The following VLDLR variants were observed in gnomAD, a reference collection of about 807,000 sequenced individuals.
VLDLR encodes the protein very low density lipoprotein receptor.
Under a neutral mutation model 112.7 loss-of-function variants are expected in VLDLR, and 81 were observed. That is an observed-to-expected ratio of 0.72 (90% CI 0.60 to 0.86). The LOEUF is 0.86. Ranked by LOEUF, VLDLR falls within the 40% of genes least tolerant of loss-of-function variation. VLDLR has a pLI of 0.00. For missense variants in VLDLR, 1,237 were observed against 1,099.4 expected (o/e 1.13, Z -1.77); for synonymous variants, 436 against 384.8 (o/e 1.13, Z -1.56).
In VLDLR at chr9:2,656,285, A is replaced by G. The variant is rs895242442; in HGVS notation, c.*2417A>G. ...AGAAACAAAGTAACTAGATATTCCT[A>G]TTGAAATAAGAATAGATATATTGGT... is the stretch of plus-strand genomic sequence containing the variant. On this transcript the variant is annotated 3_prime_UTR_variant, in exon 19 of 19. Transcript: ENST00000382100. 2.0e-5 allele frequency: 3 copies of G among 152,112 alleles called. No homozygotes were observed. Among genetic ancestry groups the G allele is most frequent in the Non-Finnish European group, 4.4e-5 (3 of 68,004 alleles). The allele number at this position is 152,112 out of a possible 1,614,324, so 9.4% of individuals were successfully genotyped here.
chr9:2,633,568 A>G (rs954404882), intron 1 of VLDLR, among the ~76,000 whole-genome samples: 1 of 152,164 alleles, frequency 6.6e-6, no homozygotes, highest in South Asian at 2.1e-4. Context: ...ATCAATGTCA[A>G]TGTTGTTGTC....
intron 1 of VLDLR, among the ~76,000 whole-genome samples, chr9:2,633,788 C>G (rs1817473911): frequency 6.6e-6 from 1 of 152,102 alleles, no homozygotes; most frequent in African/African-American, 2.4e-5. Flanking sequence ...TCATATAGAA[C>G]TGCAAGACAC....
At position 2,660,026 on chromosome 9, in the gene VLDLR, A is replaced by G. The variant is rs1215421256; in HGVS notation, c.*6158A>G. 1.3e-5 allele frequency: 2 copies of G among 150,800 alleles called. No individual in the cohort carries two copies. The highest frequency in any genetic ancestry group is 1.3e-4 in the Admixed American group (2 of 15,190). The allele number at this position is 150,800 out of a possible 1,614,324, so 9.3% of individuals were successfully genotyped here. ...AAACTTTTTTTTACTAATGAACTGT[A>G]CATTTAAATAAAAGTTTATTTTTGG... On this transcript the variant is annotated 3_prime_UTR_variant, in exon 19 of 19. Coordinates refer to ENST00000382100, the MANE Select transcript of VLDLR (RefSeq NM_003383.5).
rs1402934226 is a variant in VLDLR, at chr9:2,653,941, G to C, written c.*73G>C. ...CGTCGGAATGGTAACCGAGCCAGCA[G>C]CTGAAGTCTCTTTTTCTTCCTCTCG... is the stretch of plus-strand genomic sequence containing the variant. On this transcript the variant is annotated 3_prime_UTR_variant, in exon 19 of 19. Coordinates refer to ENST00000382100, the MANE Select transcript of VLDLR (RefSeq NM_003383.5). The C allele has an allele frequency of 6.6e-7, 1 of 1,515,484 alleles. No homozygotes were observed. Among genetic ancestry groups the C allele is most frequent in the African/African-American group, 1.4e-5 (1 of 72,904 alleles). The allele number at this position is 1,515,484 out of a possible 1,614,324, so 93.9% of individuals were successfully genotyped here.
At chr9:2,644,075 A>G (rs1817948893) in intron 7 of VLDLR, 116 bp downstream of exon 7, 8 of 1,472,804 alleles carry the variant, frequency 5.4e-6, no homozygotes, top group Non-Finnish European at 7.5e-6. Flanking sequence ...ACTGAAGTTC[A>G]ATTGTAGACT....
chr9:2,627,149 A>AG (rs1032289698), intron 1 of VLDLR, among the ~76,000 whole-genome samples: 4 of 152,222 alleles, frequency 2.6e-5, no homozygotes, highest in African/African-American at 9.7e-5. Context: ...GAAGCTCTGA[A>AG]GAGGAGTGAG....
chr9:2,645,806 T>C, intron 10 of VLDLR, 61 bp downstream of exon 10: 1 of 1,601,416 alleles, frequency 6.2e-7, no homozygotes, highest in Non-Finnish European at 8.5e-7. Flanking sequence ...GGAAGTGATC[T>C]GTGGGATAGT....
Position 2,650,389 on chromosome 9 carries a change from A to C in VLDLR, c.2124A>C (p.Glu708Asp), listed in dbSNP as rs999918773. 6 of 1,614,006 alleles carry C rather than the reference A, an allele frequency of 3.7e-6. No individual in the cohort carries two copies. Among genetic ancestry groups the C allele is most frequent in the Non-Finnish European group, 4.2e-6 (5 of 1,180,018 alleles). ...GACTAGGTAAAAATTGGTGTGAAGAAGACATGGAGAATGGAGGATGTGAAT... is the reference window on the plus strand; with the variant it reads ...GACTAGGTAAAAATTGGTGTGAAGACGACATGGAGAATGGAGGATGTGAAT... ...VQPSGKNWCEEDMENGGCEYL... is the reference protein window; with the variant it reads ...VQPSGKNWCEDDMENGGCEYL... The change falls in exon 15 of 19, where the codon GAA becomes GAC. Residue 708 changes from glutamate to aspartate, a missense_variant. Transcript: ENST00000382100.
chr9:2,649,809 A>C lies in VLDLR; in HGVS notation c.2105-561A>C, dbSNP rs570476865. Among the ~76,000 whole-genome samples, 11 of 152,308 alleles carry C rather than the reference A, an allele frequency of 7.2e-5. No homozygotes were observed. In the South Asian group the frequency reaches 1.0e-3, roughly 14 times the overall value. On this transcript the variant is annotated intron_variant, in intron 14 of 18. Coordinates refer to ENST00000382100, the MANE Select transcript of VLDLR (RefSeq NM_003383.5). ...TGAGGTACTAGGACTTCATTATATG[A>C]ATTTTAGGGAGGAACACCATTCAAC...
chr9:2,631,252 A>C (rs984962719), intron 1 of VLDLR, among the ~76,000 whole-genome samples: 2 of 152,236 alleles, frequency 1.3e-5, no homozygotes, highest in African/African-American at 4.8e-5. Flanking sequence ...GGAAAACAAT[A>C]TGCAGATTTC....
Position 2,645,632 on chromosome 9 carries a change from G to A in VLDLR, c.1371G>A (p.Glu457=). The change falls in exon 10 of 19, where the codon GAG becomes GAA. Residue 457 remains glutamate, a synonymous_variant. Transcript: ENST00000382100. ...GAGACATCAGGAAGATTGGCTTAGA[G>A]AGGAAAGAATATATCCAACTAGTTG... ...NRRDIRKIGL[E]RKEYIQLVEQ... 1 of 1,614,214 alleles carries A rather than the reference G, an allele frequency of 6.2e-7. No individual in the cohort carries two copies. The highest frequency in any genetic ancestry group is 8.5e-7 in the Non-Finnish European group (1 of 1,180,032).
At chr9:2,644,045 C>A in intron 7 of VLDLR, 86 bp downstream of exon 7, 1 of 1,593,062 alleles carries the variant, frequency 6.3e-7, no homozygotes, top group Non-Finnish European at 8.6e-7. Context: ...CCCGTGATGG[C>A]TAGTTAAACT....
chr9:2,638,427 A>G (rs537283574), intron 2 of VLDLR, among the ~76,000 whole-genome samples: 1 of 152,320 alleles, frequency 6.6e-6, no homozygotes, highest in South Asian at 2.1e-4. Flanking sequence ...ATGTTCATCA[A>G]ATTGTGAATT....
At chr9:2,626,344 T>C (rs547886256) in intron 1 of VLDLR, among the ~76,000 whole-genome samples, 1 of 152,362 alleles carries the variant, frequency 6.6e-6, no homozygotes, top group South Asian at 2.1e-4. Context: ...CTGCAACTTG[T>C]CACGTGATGT....
intron 15 of VLDLR, among the ~76,000 whole-genome samples, chr9:2,650,842 A>G (rs1005176859): frequency 1.3e-5 from 2 of 152,226 alleles, no homozygotes; most frequent in Non-Finnish European, 2.9e-5. Context: ...GACAGAAATT[A>G]TGCTTAAGGA....
intron 13 of VLDLR, 60 bp downstream of exon 13, chr9:2,648,407 A>C: frequency 6.2e-7 from 1 of 1,610,386 alleles, no homozygotes; most frequent in Non-Finnish European, 8.5e-7. Context: ...TTTGAGAAGA[A>C]ATAACAGACA....
At position 2,622,090 on chromosome 9, in the gene VLDLR, C is replaced by G. The variant is rs1446905744; in HGVS notation, c.-100C>G. 8.1e-7 allele frequency: 1 copy of G among 1,235,404 alleles called. No individual in the cohort carries two copies. The highest frequency in any genetic ancestry group is 1.1e-6 in the Non-Finnish European group (1 of 921,378). 76.5% of individuals were successfully genotyped at this position (1,235,404 alleles called of 1,614,324 possible). A position where few individuals can be genotyped will look rare whatever the true frequency, so the allele number is the denominator to read the frequency against. On this transcript the variant is annotated 5_prime_UTR_variant, in exon 1 of 19. Coordinates refer to ENST00000382100, the MANE Select transcript of VLDLR (RefSeq NM_003383.5). ...CCCTCCTTCTCCCCCTTTCCCCTCC[C>G]CGCCCCCACCTTCTTCCTCCTTTCG...
Position 2,653,974 on chromosome 9 carries a change from G to C in VLDLR, c.*106G>C. On this transcript the variant is annotated 3_prime_UTR_variant, in exon 19 of 19. Transcript: ENST00000382100. ...CTCTTTTTCTTCCTCTCGGCTGGAA[G>C]AACATCAAGATACCTTTGCGTGGAT... The C allele has an allele frequency of 8.5e-7, 1 of 1,174,706 alleles. No homozygotes were observed. The highest frequency in any genetic ancestry group is 2.3e-5 in the East Asian group (1 of 42,572). 72.8% of individuals were successfully genotyped at this position (1,174,706 alleles called of 1,614,324 possible).
Position 2,622,221 on chromosome 9 carries a change from T to C in VLDLR, c.32T>C (p.Leu11Pro), listed in dbSNP as rs1370995420. Reference sequence around the variant, plus strand: ...ACGTCCGCGCTCTGGGCGCTCTGGCTGCTGCTCGCGCTGTGCTGGGCGCCC... The same window carrying C: ...ACGTCCGCGCTCTGGGCGCTCTGGCCGCTGCTCGCGCTGTGCTGGGCGCCC... MGTSALWALW[L>P]LLALCWAPRE... The change falls in exon 1 of 19, where the codon CTG becomes CCG. Residue 11 changes from leucine to proline, a missense_variant. Leu to Pro is a moderately conservative substitution (Grantham distance 98). Coordinates refer to ENST00000382100, the MANE Select transcript of VLDLR (RefSeq NM_003383.5). 2 of 1,506,418 alleles carry C rather than the reference T, an allele frequency of 1.3e-6. No homozygotes were observed. Among genetic ancestry groups the C allele is most frequent in the African/African-American group, 1.4e-5 (1 of 69,548 alleles). The allele number at this position is 1,506,418 out of a possible 1,614,324, so 93.3% of individuals were successfully genotyped here.
Sources: allele counts gnomAD v4.1 joint callset (sites outside exome capture counted in the v4.1 genomes callset), GRCh38; gene constraint gnomAD v4.1.1; transcripts MANE v1.5; gene names NCBI Gene and HGNC (gene_info 2026-07-23, HGNC 2026-07-21).